The following SYNPR variants were observed in gnomAD, a reference collection of about 807,000 sequenced individuals.
The protein encoded by SYNPR is synaptoporin.
A neutral mutation model predicts 32.9 loss-of-function variants in SYNPR; 23 were observed. The observed-to-expected ratio is 0.70, with a 90% CI of 0.50 to 0.99. The LOEUF (loss-of-function observed/expected upper bound fraction) is 0.99. SYNPR is among the 50% of genes least tolerant of loss of function. The pLI is 0.00. For synonymous variants in SYNPR, 146 were observed against 135.9 expected (o/e 1.07, Z -0.52); for missense variants, 318 against 349.3 (o/e 0.91, Z 0.71).
rs772133846 is a variant in SYNPR, at chr3:63,451,534, T to G, written c.85-29298T>G. On this transcript the variant is annotated intron_variant, in intron 2 of 5. Coordinates refer to ENST00000478300, the MANE Select transcript of SYNPR (RefSeq NM_001130003.2). The stretch of plus-strand genomic sequence containing the variant: ...AGTGCCCCTGAATTTTCCTTTCCAC[T>G]TTCTTAAGACCCTGTTACCCCCATC... Among the ~76,000 whole-genome samples, 7 of 152,300 alleles carry G rather than the reference T, an allele frequency of 4.6e-5. No homozygotes were observed. In the East Asian group the frequency reaches 1.4e-3, roughly 29 times the overall value.
At chr3:63,565,715 G>C (rs1702771589) in intron 4 of SYNPR, among the ~76,000 whole-genome samples, 1 of 152,164 alleles carries the variant, frequency 6.6e-6, no homozygotes, top group Non-Finnish European at 1.5e-5. Flanking sequence ...TTCAGAGGAT[G>C]CTGCAATGAG....
intron 4 of SYNPR, among the ~76,000 whole-genome samples, chr3:63,559,758 A>G (rs1287530899): frequency 6.6e-6 from 1 of 151,150 alleles, no homozygotes; most frequent in Non-Finnish European, 1.5e-5. Flanking sequence ...ATTTCAAAAT[A>G]TCTTTAACAG....
the SYNPR span, among the ~76,000 whole-genome samples, chr3:63,211,813 C>T: frequency 9.2e-4 from 108 of 117,922 alleles, no homozygotes; most frequent in African/African-American, 3.2e-3. Flanking sequence ...CACCCACTAA[C>T]GCATCATCTA....
chr3:63,361,884 T>C (rs896546747), intron 2 of SYNPR, among the ~76,000 whole-genome samples: 3 of 152,156 alleles, frequency 2.0e-5, no homozygotes, highest in Non-Finnish European at 4.4e-5. Context: ...GGTGGCCTTA[T>C]GGGGCAACTC....
chr3:63,325,551 G>A (rs1296932751), intron 2 of SYNPR, among the ~76,000 whole-genome samples: 1 of 152,082 alleles, frequency 6.6e-6, no homozygotes, highest in Non-Finnish European at 1.5e-5. Flanking sequence ...GTGACAGTAG[G>A]GAGTGGCTAG....
At chr3:63,331,035 A>T (rs1372586384) in intron 2 of SYNPR, among the ~76,000 whole-genome samples, 1 of 152,204 alleles carries the variant, frequency 6.6e-6, no homozygotes, top group East Asian at 1.9e-4. Context: ...ATTCTTCATC[A>T]TCATTGTAAG....
At chr3:63,430,382 AC>A (rs1288813110) in intron 2 of SYNPR, among the ~76,000 whole-genome samples, 3 of 151,960 alleles carry the variant, frequency 2.0e-5, no homozygotes, top group Non-Finnish European at 2.9e-5. Flanking sequence ...ACACACACAC[AC>A]ACACACACAC....
In SYNPR at chr3:63,557,839, TATAA is replaced by T. The variant is rs1042597892; in HGVS notation, c.408+1107_408+1110del. Among the ~76,000 whole-genome samples the T allele has an allele frequency of 1.1e-4, 17 of 152,230 alleles. 1 individual carries two copies. Among genetic ancestry groups the T allele is most frequent in the Admixed American group, 9.2e-4 (14 of 15,284 alleles). On this transcript the variant is annotated intron_variant, in intron 4 of 5. Transcript: ENST00000478300. Reference sequence around the variant, plus strand: ...ATTTATGCTGAATCATGTACTATTCTATAAATAAATAATGTTTATCAAAAAAAGT... The same window carrying T: ...ATTTATGCTGAATCATGTACTATTCTATAAATAATGTTTATCAAAAAAAGT...
At chr3:63,278,219 A>G, upstream of SYNPR, 1 of 321,652 alleles carries the variant, frequency 3.1e-6, no homozygotes, top group South Asian at 6.5e-5. Context: ...TCCCCTCTGG[A>G]GCGCGGCTGG....
intron 4 of SYNPR, among the ~76,000 whole-genome samples, chr3:63,567,462 T>C (rs1337866909): frequency 6.6e-6 from 1 of 152,188 alleles, no homozygotes; most frequent in Non-Finnish European, 1.5e-5. Flanking sequence ...TCCCCCAAGA[T>C]GGCAAACATC....
intron 2 of SYNPR, among the ~76,000 whole-genome samples, chr3:63,439,968 T>C (rs1700140024): frequency 6.6e-6 from 1 of 152,212 alleles, no homozygotes; most frequent in African/African-American, 2.4e-5. Flanking sequence ...GATATGGTAT[T>C]AAGCAAAACA....
chr3:63,480,984 G>C (rs770517621), intron 3 of SYNPR, 28 bp downstream of exon 3: 1 of 1,600,404 alleles, frequency 6.2e-7, no homozygotes. Flanking sequence ...ATGCTTGTTA[G>C]CCTCACAGGG....
intron 2 of SYNPR, among the ~76,000 whole-genome samples, chr3:63,433,744 C>A (rs978175656): frequency 6.6e-6 from 1 of 152,048 alleles, no homozygotes; most frequent in African/African-American, 2.4e-5. Context: ...AGAAGCCTCA[C>A]CCAGATAGGA....
At chr3:63,300,147 G>A (rs1050030645) in intron 2 of SYNPR, among the ~76,000 whole-genome samples, 7 of 152,008 alleles carry the variant, frequency 4.6e-5, no homozygotes, top group Admixed American at 6.6e-5. Context: ...AGCTCTTCAC[G>A]GAGAAGTTGG....
At chr3:63,505,598 G>A (rs1701572439) in intron 3 of SYNPR, among the ~76,000 whole-genome samples, 1 of 152,122 alleles carries the variant, frequency 6.6e-6, no homozygotes, top group African/African-American at 2.4e-5. Context: ...GCAGCTTGAA[G>A]GTTGTCTACA....
intron 2 of SYNPR, among the ~76,000 whole-genome samples, chr3:63,387,499 A>G (rs1008374823): frequency 6.6e-6 from 1 of 152,196 alleles, no homozygotes; most frequent in African/African-American, 2.4e-5. Context: ...CCTTAGCACC[A>G]TTATGATCCT....
intron 1 of SYNPR, among the ~76,000 whole-genome samples, chr3:63,247,863 A>C (rs912855355): frequency 3.3e-5 from 5 of 152,162 alleles, no homozygotes; most frequent in Admixed American, 3.3e-4. Flanking sequence ...AAAGGAGTCC[A>C]TCTAGGGCCA....
chr3:63,442,738 G>T (rs1429759029), intron 2 of SYNPR, among the ~76,000 whole-genome samples: 1 of 152,136 alleles, frequency 6.6e-6, no homozygotes, highest in African/African-American at 2.4e-5. Context: ...CCCTTCTACA[G>T]TTGCCAGAGC....
intron 2 of SYNPR, among the ~76,000 whole-genome samples, chr3:63,329,106 C>T (rs991848901): frequency 2.0e-5 from 3 of 152,092 alleles, no homozygotes; most frequent in African/African-American, 7.2e-5. Flanking sequence ...ACTTTCTCTC[C>T]ACGTAAACAA....
Sources: allele counts gnomAD v4.1 joint callset (sites outside exome capture counted in the v4.1 genomes callset), GRCh38; gene constraint gnomAD v4.1.1; transcripts MANE v1.5; gene names NCBI Gene and HGNC (gene_info 2026-07-23, HGNC 2026-07-21).